Variants in NUP62CL observed in about 807,000 individuals in gnomAD.
NUP62CL encodes the protein nucleoporin-62 C-terminal-like protein.
Under a neutral mutation model 15.3 loss-of-function variants are expected in NUP62CL, and 13 were observed. That is an observed-to-expected ratio of 0.85 (90% CI 0.55 to 1.35). The LOEUF (loss-of-function observed/expected upper bound fraction) is 1.35, where lower values mean the gene tolerates loss of function less well. Ranked by LOEUF, NUP62CL falls within the 40% of genes most tolerant of loss-of-function variation. The pLI is 0.00. For synonymous variants in NUP62CL, 54 were observed against 49.2 expected, an observed-to-expected ratio of 1.10 and a Z score of -0.41; for missense variants, 123 against 130.6, an observed-to-expected ratio of 0.94 and a Z score of 0.28.
At chrX:107,184,997 G>C (rs1475746881) in intron 2 of NUP62CL, among the ~76,000 whole-genome samples, 1 of 110,481 alleles carries the variant, frequency 9.1e-6, no homozygotes, top group Non-Finnish European at 1.9e-5. Flanking sequence ...ATATCCTCCA[G>C]AAAAAAGAGA....
At chrX:107,149,072 C>A (rs765328393) in intron 7 of NUP62CL, among the ~76,000 whole-genome samples, 1 of 111,608 alleles carries the variant, frequency 9.0e-6, no homozygotes, top group East Asian at 2.8e-4. Context: ...ATCCCAATCA[C>A]CCCTGCCAGG....
At chrX:107,132,845 A>G (rs1000882123) in intron 8 of NUP62CL, among the ~76,000 whole-genome samples, 4 of 112,358 alleles carry the variant, frequency 3.6e-5, no homozygotes, top group Non-Finnish European at 5.6e-5. Context: ...AGTTAAGTAT[A>G]TAAGTTTTCC....
At chrX:107,137,295 G>A (rs1925663920) in intron 8 of NUP62CL, among the ~76,000 whole-genome samples, 1 of 111,724 alleles carries the variant, frequency 9.0e-6, no homozygotes, top group Non-Finnish European at 1.9e-5. Context: ...TACTTAAGGT[G>A]AAAGACTGAA....
intron 2 of NUP62CL, among the ~76,000 whole-genome samples, chrX:107,188,706 T>C (rs1927133466): frequency 9.0e-6 from 1 of 111,422 alleles, no homozygotes; most frequent in African/African-American, 3.3e-5. Flanking sequence ...TAATTATCTA[T>C]GTAGAAAAAT....
At chrX:107,189,528 C>T (rs906831877) in intron 2 of NUP62CL, among the ~76,000 whole-genome samples, 16 of 110,125 alleles carry the variant, frequency 1.5e-4, no homozygotes, top group African/African-American at 5.3e-4. Context: ...GTAATCCCAG[C>T]ACTTTGGGAA....
At chrX:107,161,298 C>T (rs1926363046) in intron 4 of NUP62CL, among the ~76,000 whole-genome samples, 1 of 102,675 alleles carries the variant, frequency 9.7e-6, no homozygotes, top group Non-Finnish European at 2.0e-5. Context: ...ACCCAAATGA[C>T]TATAAATCAC....
At chrX:107,202,405 T>C (rs1927505572) in intron 1 of NUP62CL, among the ~76,000 whole-genome samples, 1 of 111,396 alleles carries the variant, frequency 9.0e-6, no homozygotes, top group South Asian at 3.7e-4. Flanking sequence ...TTATAAAAAT[T>C]GTTTAAATTA....
chrX:107,173,626 C>T (rs1266069192), intron 3 of NUP62CL, among the ~76,000 whole-genome samples: 2 of 111,710 alleles, frequency 1.8e-5, no homozygotes, highest in African/African-American at 6.5e-5. Context: ...AAATCTATCA[C>T]AGTTGAGAAG....
chrX:107,169,640 T>C, intron 3 of NUP62CL, among the ~76,000 whole-genome samples: 1 of 111,879 alleles, frequency 8.9e-6, no homozygotes, highest in Non-Finnish European at 1.9e-5. Context: ...TCTTGTGTGA[T>C]ATTCTTTACA....
intron 8 of NUP62CL, 60 bp downstream of exon 8, chrX:107,147,683 C>T: frequency 4.3e-6 from 3 of 702,180 alleles, no homozygotes; most frequent in South Asian, 2.2e-5. Context: ...ATACAACTGA[C>T]ATGTATCACG....
intron 1 of NUP62CL, among the ~76,000 whole-genome samples, chrX:107,196,742 G>A (rs935905194): frequency 1.1e-4 from 12 of 112,129 alleles, no homozygotes; most frequent in Admixed American, 1.9e-4. Context: ...GAGCCACCAC[G>A]CCCGGCCTCC....
At chrX:107,189,877 A>AAAAAGAAAG (rs1556028784) in intron 2 of NUP62CL, among the ~76,000 whole-genome samples, 1 of 56,126 alleles carries the variant, frequency 1.8e-5, no homozygotes, top group African/African-American at 8.5e-5. Context: ...AAAAAGAAAG[A>AAAAAGAAAG]AAAGAAAGAA....
Position 107,123,461 on chromosome X carries a change from A to C in NUP62CL, c.*914T>G, listed in dbSNP as rs1295073004. On this transcript the variant is annotated 3_prime_UTR_variant, in exon 9 of 9. Transcript: ENST00000372466. ...TTAAAAACTTTTAATAGTTAATTTCAGTATTACATGTTTTTTTTTAGGACA... is the reference window on the plus strand; with the variant it reads ...TTAAAAACTTTTAATAGTTAATTTCCGTATTACATGTTTTTTTTTAGGACA... 1 of 111,695 alleles carries C rather than the reference A, an allele frequency of 9.0e-6. No individual in the cohort carries two copies. Among genetic ancestry groups the C allele is most frequent in the African/African-American group, 3.3e-5 (1 of 30,731 alleles). 9.2% of individuals were successfully genotyped at this position (111,695 alleles called of 1,213,427 possible).
intron 4 of NUP62CL, 112 bp downstream of exon 4, chrX:107,167,537 A>C (rs1275374009): frequency 1.9e-6 from 1 of 523,280 alleles, no homozygotes; most frequent in Non-Finnish European, 3.0e-6. Context: ...CTGTTCCCTC[A>C]ACTCAGTCAT....
At position 107,180,845 on chromosome X, in the gene NUP62CL, C is replaced by T. The variant is rs544636144; in HGVS notation, c.-47-5652G>A. ...AAACTCCTATAGAAATGCTTATCTC[C>T]TCAACTCCAGAAATATTATTTACAT... On this transcript the variant is annotated intron_variant, in intron 2 of 8. Coordinates refer to ENST00000372466, the MANE Select transcript of NUP62CL (RefSeq NM_017681.3). Among the ~76,000 whole-genome samples, 32 of 109,473 alleles carry T rather than the reference C, an allele frequency of 2.9e-4. No homozygotes were observed. In the South Asian group the frequency reaches 0.012, roughly 40 times the overall value.
intron 8 of NUP62CL, chrX:107,131,763 G>A: frequency 9.4e-7 from 1 of 1,061,073 alleles, no homozygotes; most frequent in Non-Finnish European, 1.3e-6. Flanking sequence ...ATAAATGCAA[G>A]GTTTTGGGCA....
In NUP62CL at chrX:107,175,165, G is replaced by T; in HGVS notation, c.-19C>A. 1 of 1,147,227 alleles carries T rather than the reference G, an allele frequency of 8.7e-7. No individual in the cohort carries two copies. The highest frequency in any genetic ancestry group is 2.1e-5 in the South Asian group (1 of 48,505). 94.5% of individuals were successfully genotyped at this position (1,147,227 alleles called of 1,213,427 possible). On this transcript the variant is annotated 5_prime_UTR_variant, in exon 3 of 9. Coordinates refer to ENST00000372466, the MANE Select transcript of NUP62CL (RefSeq NM_017681.3). Reference sequence around the variant, plus strand: ...ACTGCATGGTGCTTGAACTAGTGGTGGTGGCAACAGCAGCTGCTGGAGCCA... The same window carrying T: ...ACTGCATGGTGCTTGAACTAGTGGTTGTGGCAACAGCAGCTGCTGGAGCCA...
intron 1 of NUP62CL, among the ~76,000 whole-genome samples, chrX:107,201,006 T>C (rs1401244852): frequency 9.0e-6 from 1 of 111,410 alleles, no homozygotes; most frequent in Non-Finnish European, 1.9e-5. Flanking sequence ...AGTTGTCATA[T>C]AAAGATCTCA....
chrX:107,139,840 AGGGAGAG>A (rs1285959573), intron 8 of NUP62CL, among the ~76,000 whole-genome samples: 1 of 112,062 alleles, frequency 8.9e-6, no homozygotes, highest in Non-Finnish European at 1.9e-5. Context: ...GGAAGGATAC[AGGGAGAG>A]GGGAGAGGGA....
Sources: gnomAD v4.1 joint callset for allele counts (sites outside exome capture counted in the v4.1 genomes callset) on GRCh38, gnomAD v4.1.1 for gene constraint, MANE v1.5 for transcripts, NCBI Gene and HGNC (gene_info 2026-07-23, HGNC 2026-07-21) for gene names.